The following NADSYN1 variants were observed in gnomAD, a reference collection of about 807,000 sequenced individuals.
NADSYN1 encodes glutamine-dependent NAD(+) synthetase.
NADSYN1 carries 80 observed loss-of-function variants against 99.3 expected under a neutral mutation model. The observed-to-expected ratio is 0.81, with a 90% confidence interval of 0.67 to 0.97. The LOEUF (loss-of-function observed/expected upper bound fraction) is 0.97, where lower values mean the gene tolerates loss of function less well. NADSYN1 is among the 50% of genes least tolerant of loss of function. NADSYN1 has a pLI of 0.00. For synonymous variants in NADSYN1, 385 were observed against 372.1 expected (o/e 1.03, Z -0.40); for missense variants, 859 against 948.5 (o/e 0.91, Z 1.24).
At chr11:71,461,492 G>A (rs955139488) in intron 3 of NADSYN1, among the ~76,000 whole-genome samples, 7 of 152,042 alleles carry the variant, frequency 4.6e-5, no homozygotes, top group African/African-American at 1.7e-4. Context: ...GCAGCGGTGC[G>A]ATCTCGGCTC....
chr11:71,492,008 C>A, intron 18 of NADSYN1, 105 bp downstream of exon 18: 1 of 1,068,106 alleles, frequency 9.4e-7, no homozygotes, highest in Non-Finnish European at 1.4e-6. Flanking sequence ...ACAGCTGCAT[C>A]GCTGTCACTG....
chr11:71,453,713 T>A (rs564830289), intron 1 of NADSYN1, among the ~76,000 whole-genome samples: 1 of 152,122 alleles, frequency 6.6e-6, no homozygotes, highest in East Asian at 1.9e-4. Flanking sequence ...CTCGGAGATA[T>A]CTAAGTTGAA....
At chr11:71,482,139 A>G in intron 13 of NADSYN1, 114 bp downstream of exon 13, 1 of 929,232 alleles carries the variant, frequency 1.1e-6, no homozygotes, top group East Asian at 2.7e-5. Flanking sequence ...ATCGGGGTGA[A>G]GGGGGCTTTG....
At chr11:71,484,562 G>T in intron 15 of NADSYN1, 115 bp downstream of exon 15, 2 of 1,422,312 alleles carry the variant, frequency 1.4e-6, no homozygotes, top group Non-Finnish European at 1.9e-6. Context: ...GAAGCTCATG[G>T]CACCGGTTAC....
In NADSYN1 at chr11:71,453,379, AGAGT is replaced by A; in HGVS notation, c.85+3_85+6del. 1.9e-6 allele frequency: 3 copies of A among 1,613,498 alleles called. No individual in the cohort carries two copies. The highest frequency in any genetic ancestry group is 2.5e-6 in the Non-Finnish European group (3 of 1,179,596). The stretch of plus-strand genomic sequence containing the variant: ...GAGGGCAATTTGCAAAGAATTTTAA[AGAGT>A]GAGTCTGGGGCGGCGGGGGCACCGG... On this transcript the variant is annotated splice_donor_variant and coding_sequence_variant, in exon 1 of 21. Coordinates refer to ENST00000319023, the MANE Select transcript of NADSYN1 (RefSeq NM_018161.5). LOFTEE classifies it high-confidence loss of function.
At chr11:71,455,256 G>A in intron 2 of NADSYN1, 86 bp downstream of exon 2, 1 of 1,218,108 alleles carries the variant, frequency 8.2e-7, no homozygotes, top group Non-Finnish European at 1.2e-6. Context: ...GGAAGGAGCA[G>A]GGACAGTCCT....
chr11:71,455,299 GC>G, intron 2 of NADSYN1, 129 bp downstream of exon 2: 2 of 728,930 alleles, frequency 2.7e-6, no homozygotes, highest in South Asian at 3.7e-5. Flanking sequence ...CCACTGTTGG[GC>G]CTGGTTAATG....
chr11:71,483,505 T>G (rs962254427), intron 14 of NADSYN1, among the ~76,000 whole-genome samples: 1 of 152,174 alleles, frequency 6.6e-6, no homozygotes, highest in African/African-American at 2.4e-5. Context: ...TCACTGCCTC[T>G]TCCACGGGCA....
chr11:71,485,148 ATCTGTCCTGTCTCTC>A (rs1219753478), intron 15 of NADSYN1: 1 of 174,338 alleles, frequency 5.7e-6, no homozygotes, highest in Admixed American at 5.6e-5. Flanking sequence ...AGCTGCTGGG[ATCTGTCCTGTCTCTC>A]TCTGTCCCCT....
chr11:71,454,138 A>G (rs181435907), intron 1 of NADSYN1, among the ~76,000 whole-genome samples: 156 of 152,320 alleles, frequency 1.0e-3, no homozygotes, highest in Admixed American at 1.8e-3. Flanking sequence ...TGACTGCAAG[A>G]GCCTTTGCCA....
intron 5 of NADSYN1, among the ~76,000 whole-genome samples, chr11:71,472,168 T>G (rs886907486): frequency 5.3e-5 from 8 of 152,132 alleles, no homozygotes; most frequent in Admixed American, 2.6e-4. Flanking sequence ...CTGTGACACA[T>G]CTCTCAGTAA....
intron 20 of NADSYN1, 151 bp downstream of exon 20, chr11:71,498,679 G>T (rs1949837195): frequency 3.6e-6 from 3 of 831,472 alleles, no homozygotes; most frequent in Admixed American, 3.2e-5. Context: ...TGTTTAAAGC[G>T]TTTTTTAAAT....
rs577388762 is a variant in NADSYN1 at position 71,477,036 on chromosome 11, C to T, written c.799-1359C>T. The T allele has an allele frequency of 3.0e-5, 32 of 1,076,082 alleles. No individual in the cohort carries two copies. The African/African-American group carries it at 4.9e-4, about 16-fold the overall frequency. The allele number at this position is 1,076,082 out of a possible 1,614,324, so 66.7% of individuals were successfully genotyped here. ...GGCCACTGCCCTCCACCAGGTCCTCCGTGGTGCACCTGAAATGGTCAACAG... is the reference window on the plus strand; with the variant it reads ...GGCCACTGCCCTCCACCAGGTCCTCTGTGGTGCACCTGAAATGGTCAACAG... On this transcript the variant is annotated intron_variant, in intron 9 of 20. Coordinates refer to ENST00000319023, the MANE Select transcript of NADSYN1 (RefSeq NM_018161.5).
At chr11:71,479,475 T>G (rs1949690454) in intron 10 of NADSYN1, 1 of 152,146 alleles carries the variant, frequency 6.6e-6, no homozygotes, top group South Asian at 2.1e-4. Context: ...TCAGTGGTTT[T>G]TCATGTACTC....
chr11:71,473,725 C>T, intron 8 of NADSYN1, 39 bp downstream of exon 8: 3 of 1,418,716 alleles, frequency 2.1e-6, no homozygotes, highest in Non-Finnish European at 3.0e-6. Flanking sequence ...ACAGGGCAGA[C>T]ACTGTATCTC....
intron 19 of NADSYN1, 44 bp downstream of exon 19, chr11:71,497,655 A>C: frequency 6.2e-7 from 1 of 1,612,732 alleles, no homozygotes; most frequent in Non-Finnish European, 8.5e-7. Flanking sequence ...CAGTTAGGTA[A>C]TGTCCCCTTT....
At chr11:71,484,953 G>A (rs985173452) in intron 15 of NADSYN1, 8 of 179,160 alleles carry the variant, frequency 4.5e-5, no homozygotes, top group Non-Finnish European at 8.4e-5. Flanking sequence ...CTGCATGAGT[G>A]CACGAGCATG....
intron 16 of NADSYN1, among the ~76,000 whole-genome samples, chr11:71,489,439 G>A (rs939496484): frequency 4.0e-5 from 6 of 150,192 alleles, no homozygotes; most frequent in African/African-American, 1.5e-4. Context: ...CTGGCCCCAC[G>A]GGTCGCAGGT....
chr11:71,476,367 G>A (rs1468527902), intron 9 of NADSYN1: 2 of 352,308 alleles, frequency 5.7e-6, no homozygotes, highest in East Asian at 7.5e-5. Flanking sequence ...CCGACTCTGC[G>A]AGGCTGTCTG....
Sources: allele counts gnomAD v4.1 joint callset (sites outside exome capture counted in the v4.1 genomes callset), GRCh38; gene constraint gnomAD v4.1.1; transcripts MANE v1.5; gene names NCBI Gene and HGNC (gene_info 2026-07-23, HGNC 2026-07-21).